Variants in ITGAV observed in about 807,000 individuals in gnomAD.
ITGAV encodes the protein integrin alpha-V.
In ITGAV, 76 loss-of-function variants were observed where a neutral mutation model predicts 143.8. That is an observed-to-expected ratio of 0.53 (90% CI 0.44 to 0.64). The LOEUF (loss-of-function observed/expected upper bound fraction) is 0.64. Ranked by LOEUF, ITGAV falls within the 30% of genes least tolerant of loss-of-function variation. The probability of loss-of-function intolerance (pLI) is 0.00; values close to 1 mark genes in which losing one functional copy is unlikely to be tolerated. For missense variants in ITGAV, 1,193 were observed against 1,274.7 expected (o/e 0.94, Z 0.98); for synonymous variants, 453 against 446.7 (o/e 1.01, Z -0.18).
intron 14 of ITGAV, among the ~76,000 whole-genome samples, chr2:186,650,400 A>G (rs986860839): frequency 2.0e-5 from 3 of 151,894 alleles, no homozygotes; most frequent in African/African-American, 7.3e-5. Context: ...GGGTTTTGCC[A>G]TGTTGGCCAA....
chr2:186,666,151 C>A (rs1688890463), intron 21 of ITGAV, among the ~76,000 whole-genome samples: 2 of 152,114 alleles, frequency 1.3e-5, no homozygotes, highest in Non-Finnish European at 2.9e-5. Flanking sequence ...CCCCAAGAAG[C>A]CTTCTTTTTT....
intron 8 of ITGAV, among the ~76,000 whole-genome samples, chr2:186,637,889 T>C (rs1687991086): frequency 6.6e-6 from 1 of 152,206 alleles, no homozygotes; most frequent in Non-Finnish European, 1.5e-5. Flanking sequence ...CTTTACCTGA[T>C]TTTGATCACA....
rs1183364493 is a variant in ITGAV, at chr2:186,652,011, G to T, written c.1427G>T (p.Gly476Val). ...RARPVITVNA[G>V]LEVYPSILNQ... is the part of the protein sequence containing the mutation. ...AGACCAGTTATCACTGTAAATGCTG[G>T]TCTTGAAGTGTACCCTAGCATTTTA... The change falls in exon 15 of 30, where the codon GGT (glycine) becomes GTT (valine). Residue 476 changes from glycine to valine, a missense_variant. Gly to Val is a moderately radical substitution (Grantham distance 109, BLOSUM62 -3). Coordinates refer to ENST00000261023, the MANE Select transcript of ITGAV (RefSeq NM_002210.5). 2 of 1,612,856 alleles carry T rather than the reference G, an allele frequency of 1.2e-6. No homozygotes were observed. The highest frequency in any genetic ancestry group is 8.5e-7 in the Non-Finnish European group (1 of 1,179,186).
In ITGAV at chr2:186,640,984, A is replaced by G. The variant is rs1574484624; in HGVS notation, c.956+17A>G. 1 of 1,568,770 alleles carries G rather than the reference A, an allele frequency of 6.4e-7. No homozygotes were observed. The highest frequency in any genetic ancestry group is 1.4e-5 in the African/African-American group (1 of 73,744). On this transcript the variant is annotated intron_variant, in intron 11 of 29. Transcript: ENST00000261023. Reference sequence around the variant, plus strand: ...TGGAGATGAGTAAGTTTAAAAAAAAATGTTTCCAGAAAGTTATCTTCTCAT... The same window carrying G: ...TGGAGATGAGTAAGTTTAAAAAAAAGTGTTTCCAGAAAGTTATCTTCTCAT...
intron 16 of ITGAV, 40 bp from the exon 17 acceptor site, chr2:186,656,207 A>C (rs761567578): frequency 6.7e-6 from 10 of 1,488,550 alleles, no homozygotes; most frequent in Non-Finnish European, 9.1e-6. Context: ...ATAGATGTCC[A>C]TAAAGAATAT....
At chr2:186,672,584 T>C (rs1190879163) in intron 26 of ITGAV, among the ~76,000 whole-genome samples, 1 of 152,360 alleles carries the variant, frequency 6.6e-6, no homozygotes, top group East Asian at 1.9e-4. Context: ...TCAACACTTA[T>C]TATTTTCTGC....
At chr2:186,608,838 A>T (rs1307288322) in intron 2 of ITGAV, among the ~76,000 whole-genome samples, 1 of 152,188 alleles carries the variant, frequency 6.6e-6, no homozygotes, top group Non-Finnish European at 1.5e-5. Context: ...TATTGGAAGG[A>T]TGTTGGTAAC....
intron 8 of ITGAV, 101 bp from the exon 9 acceptor site, chr2:186,638,176 T>C (rs1262719846): frequency 1.1e-6 from 1 of 936,388 alleles, no homozygotes; most frequent in East Asian, 2.5e-5. Flanking sequence ...TGTTTTGAAC[T>C]GAAGTAGTAA....
At position 186,638,469 on chromosome 2, in the gene ITGAV, T is replaced by C; in HGVS notation, c.903+4T>C. 1 of 1,608,252 alleles carries C rather than the reference T, an allele frequency of 6.2e-7. No homozygotes were observed. Among genetic ancestry groups the C allele is most frequent in the Non-Finnish European group, 8.5e-7 (1 of 1,176,342 alleles). ...ATACAATTTTACTGGCGAGCAGGTA[T>C]GCTTCCAAAATATGATCGTCCTCTC... is the stretch of plus-strand genomic sequence containing the variant. On this transcript the variant is annotated splice_donor_region_variant and intron_variant, in intron 10 of 29. Transcript: ENST00000261023.
At position 186,672,077 on chromosome 2, in the gene ITGAV, G is replaced by A. The variant is rs749351131; in HGVS notation, c.2706+2263G>A. The stretch of plus-strand genomic sequence containing the variant: ...CGCCATTCTCCTGCCTCAGCCTCCC[G>A]AGTAGCTGGGACTACAGGCACCCAC... On this transcript the variant is annotated intron_variant, in intron 26 of 29. Transcript: ENST00000261023. Among the ~76,000 whole-genome samples, 12 of 150,334 alleles carry A rather than the reference G, an allele frequency of 8.0e-5. No individual in the cohort carries two copies. In the East Asian group the frequency reaches 8.0e-4, roughly 10 times the overall value.
chr2:186,607,869 G>T (rs549783124), intron 2 of ITGAV, among the ~76,000 whole-genome samples: 1 of 152,192 alleles, frequency 6.6e-6, no homozygotes, highest in East Asian at 1.9e-4. Flanking sequence ...ATTTGGATTG[G>T]GAGAAACTAT....
chr2:186,636,181 A>C lies in ITGAV; in HGVS notation c.731A>C (p.Gln244Pro). 6.2e-7 allele frequency: 1 copy of C among 1,612,518 alleles called. No individual in the cohort carries two copies. The highest frequency in any genetic ancestry group is 8.5e-7 in the Non-Finnish European group (1 of 1,179,406). Residue 244 changes from glutamine to proline, a missense_variant, in exon 7 of 30, where the codon CAA becomes CCA. Transcript: ENST00000261023. The part of the protein sequence containing the change: ...YNNQLATRTA[Q>P]AIFDDSYLGY... The stretch of plus-strand genomic sequence containing the variant: ...AACCAATTAGCAACTCGGACTGCAC[A>C]AGCTATTTTTGATGACAGCTATTTG...
At chr2:186,674,732 G>A (rs995942789) in intron 26 of ITGAV, among the ~76,000 whole-genome samples, 2 of 151,808 alleles carry the variant, frequency 1.3e-5, no homozygotes, top group African/African-American at 4.8e-5. Flanking sequence ...GGCTGGTCTC[G>A]AACTCCTGAC....
rs538489446 is a variant in ITGAV, at chr2:186,642,250, A to C, written c.1159+662A>C. On this transcript the variant is annotated intron_variant, in intron 12 of 29. Transcript: ENST00000261023. ...CCAAGATTTTTTTTTTAATCTGTTA[A>C]AAACCTTTCTAGAGATCACAGAATG... 2.0e-5 allele frequency among the ~76,000 whole-genome samples: 3 copies of C among 152,312 alleles called. No individual in the cohort carries two copies. In the East Asian group the frequency reaches 5.8e-4, roughly 29 times the overall value.
chr2:186,631,817 T>C (rs1225368975), intron 5 of ITGAV, among the ~76,000 whole-genome samples: 2 of 152,144 alleles, frequency 1.3e-5, no homozygotes, highest in Admixed American at 6.6e-5. Context: ...AGGATCACTG[T>C]AGCCCAGGAG....
At chr2:186,623,546 G>A (rs1687592041) in intron 3 of ITGAV, among the ~76,000 whole-genome samples, 2 of 151,922 alleles carry the variant, frequency 1.3e-5, no homozygotes, top group South Asian at 4.2e-4. Flanking sequence ...TTTACCTAGA[G>A]GTTCCTAGCC....
intron 26 of ITGAV, chr2:186,670,071 GTCCTCTTTCTGGGCC>G: frequency 2.5e-6 from 1 of 403,354 alleles, no homozygotes; most frequent in Non-Finnish European, 4.5e-6. Context: ...TTCTTTAACT[GTCCTCTTTCTGGGCC>G]TCCTCCTAAT....
At chr2:186,612,116 T>G (rs553967178) in intron 2 of ITGAV, among the ~76,000 whole-genome samples, 1 of 152,202 alleles carries the variant, frequency 6.6e-6, no homozygotes, top group African/African-American at 2.4e-5. Flanking sequence ...TATTCTTAAA[T>G]TGATTATAGC....
rs1163499283 is a variant in ITGAV at position 186,657,019 on chromosome 2, CACACAG to C, written c.1719+620_1719+625del. On this transcript the variant is annotated intron_variant, in intron 17 of 29. Coordinates refer to ENST00000261023, the MANE Select transcript of ITGAV (RefSeq NM_002210.5). The stretch of plus-strand genomic sequence containing the variant: ...ACACACACACACACACACACACACA[CACACAG>C]AAGCCACTAGAAGAAGCATCAGATT... 1.1e-3 allele frequency among the ~76,000 whole-genome samples: 97 copies of C among 87,214 alleles called. No individual in the cohort carries two copies. In the East Asian group the frequency reaches 0.035, roughly 31 times the overall value. The allele number at this position is 87,214 out of a possible 152,430, so 57.2% of individuals were successfully genotyped here.
Sources: allele counts gnomAD v4.1 joint callset (sites outside exome capture counted in the v4.1 genomes callset), GRCh38; gene constraint gnomAD v4.1.1; transcripts MANE v1.5; gene names NCBI Gene and HGNC (gene_info 2026-07-23, HGNC 2026-07-21).